Variants in JUP observed in about 807,000 individuals in gnomAD.
JUP encodes the protein catenin (cadherin-associated protein), gamma 80kDa.
In JUP, 28 loss-of-function variants were observed where a neutral mutation model predicts 71.1. The observed-to-expected ratio is 0.39, with a 90% CI of 0.29 to 0.54. The LOEUF is 0.54. Ranked by LOEUF, JUP falls within the 20% of genes least tolerant of loss-of-function variation. The pLI, the probability that JUP is intolerant of heterozygous loss-of-function variation, is 0.62. For missense variants in JUP, 869 were observed against 1,030.1 expected, an observed-to-expected ratio of 0.84 and a Z score of 2.14; for synonymous variants, 401 against 438.9, an observed-to-expected ratio of 0.91 and a Z score of 1.08.
intron 12 of JUP, among the ~76,000 whole-genome samples, chr17:41,756,632 C>T (rs1048935492): frequency 6.6e-6 from 1 of 151,420 alleles, no homozygotes; most frequent in Admixed American, 6.6e-5. Context: ...GGCGCAGTGG[C>T]TCACGCCTGT....
chr17:41,783,648 A>T (rs113481986), intron 1 of JUP, among the ~76,000 whole-genome samples: 20 of 151,300 alleles, frequency 1.3e-4, no homozygotes, highest in South Asian at 2.1e-4. Context: ...GGGCCAGGTG[A>T]GGTGGCTCAC....
chr17:41,777,671 G>A (rs1442782880), intron 1 of JUP, among the ~76,000 whole-genome samples: 1 of 152,246 alleles, frequency 6.6e-6, no homozygotes, highest in African/African-American at 2.4e-5. Context: ...TTCCAGTCTG[G>A]AGAGCAGCCC....
rs191047819 is a variant in JUP at position 41,758,219 on chromosome 17, C to T, written c.1773+180G>A. 42 of 630,938 alleles carry T rather than the reference C, an allele frequency of 6.7e-5. No homozygotes were observed. The East Asian group carries it at 1.0e-3, about 16-fold the overall frequency. The allele number at this position is 630,938 out of a possible 1,614,324, so 39.1% of individuals were successfully genotyped here. ...TGTGATCTCTTTCCTTGCTTTGAAG[C>T]TTAGAAAGCCATGCCCATGCAGGGG... On this transcript the variant is annotated intron_variant, in intron 10 of 13. Coordinates refer to ENST00000393931, the MANE Select transcript of JUP (RefSeq NM_002230.4).
intron 8 of JUP, among the ~76,000 whole-genome samples, chr17:41,760,709 T>C (rs1914670082): frequency 6.6e-6 from 1 of 152,176 alleles, no homozygotes; most frequent in Non-Finnish European, 1.5e-5. Context: ...TACAGGCACA[T>C]GCCACCATGG....
chr17:41,786,380 T>C lies in JUP; in HGVS notation c.-9+208A>G, dbSNP rs115806588. On this transcript the variant is annotated intron_variant, in intron 1 of 13. Coordinates refer to ENST00000393931, the MANE Select transcript of JUP (RefSeq NM_002230.4). The stretch of plus-strand genomic sequence containing the variant: ...TCCCTCCCCGCCTTGCTCAGATCTC[T>C]GGTTCGCGGAGCTCCGAGGCGCGCT... The C allele has an allele frequency of 0.039, 5,864 of 151,972 alleles. 148 individuals are homozygous for C. Among genetic ancestry groups the C allele is most frequent in the East Asian group, 0.11 (578 of 5,108 alleles). The allele number at this position is 151,972 out of a possible 1,614,324, so 9.4% of individuals were successfully genotyped here. A position where few individuals can be genotyped will look rare whatever the true frequency, so the allele number is the denominator to read the frequency against.
At chr17:41,766,314 A>G (rs1915702397) in intron 5 of JUP, among the ~76,000 whole-genome samples, 1 of 139,208 alleles carries the variant, frequency 7.2e-6, no homozygotes. Context: ...AGGGAAAGGA[A>G]AAGGAAAAGG....
intron 8 of JUP, among the ~76,000 whole-genome samples, chr17:41,760,499 C>T (rs1437265134): frequency 6.6e-6 from 1 of 151,744 alleles, no homozygotes; most frequent in East Asian, 2.0e-4. Flanking sequence ...ACCTCGTGAT[C>T]CACACGCCTC....
At chr17:41,769,388 G>A in intron 3 of JUP, 30 bp downstream of exon 3, 2 of 1,598,080 alleles carry the variant, frequency 1.3e-6, no homozygotes, top group Non-Finnish European at 1.7e-6. Flanking sequence ...TCCCTGCCCA[G>A]CCCCCACCCT....
intron 1 of JUP, among the ~76,000 whole-genome samples, chr17:41,773,693 G>C (rs1466667980): frequency 6.6e-6 from 1 of 151,948 alleles, no homozygotes; most frequent in African/African-American, 2.4e-5. Flanking sequence ...GGTGGGGGGC[G>C]GGGGGCGGGG....
intron 12 of JUP, among the ~76,000 whole-genome samples, chr17:41,756,623 G>A (rs1913813038): frequency 6.7e-6 from 1 of 149,944 alleles, no homozygotes; most frequent in Non-Finnish European, 1.5e-5. Context: ...AATAGGCTGG[G>A]CGCAGTGGCT....
At chr17:41,773,458 A>C (rs1356586222) in intron 1 of JUP, among the ~76,000 whole-genome samples, 4 of 152,222 alleles carry the variant, frequency 2.6e-5, no homozygotes, top group African/African-American at 9.6e-5. Context: ...CTAGTGACTC[A>C]GAGTTTCAGG....
At chr17:41,773,754 C>T (rs992132496) in intron 1 of JUP, among the ~76,000 whole-genome samples, 10 of 152,142 alleles carry the variant, frequency 6.6e-5, no homozygotes, top group Admixed American at 2.0e-4. Context: ...CTGAGCTCCT[C>T]GTGCTGTGCC....
At position 41,781,356 on chromosome 17, in the gene JUP, C is replaced by CA. The variant is rs551922002; in HGVS notation, c.-9+5231dup. On this transcript the variant is annotated intron_variant, in intron 1 of 13. Transcript: ENST00000393931. ...GGTGACAGAGTGAGAGACTCCATCT[C>CA]AAAAAAAAAAAAAGAAAGAAAGAAA... is the stretch of plus-strand genomic sequence containing the variant. 2.9e-3 allele frequency among the ~76,000 whole-genome samples: 354 copies of CA among 120,260 alleles called. 3 individuals are homozygous for CA. The highest frequency in any genetic ancestry group is 0.022 in the Middle Eastern group (5 of 226). The allele number at this position is 120,260 out of a possible 152,430, so 78.9% of individuals were successfully genotyped here.
intron 12 of JUP, 84 bp downstream of exon 12, chr17:41,757,331 T>C: frequency 7.1e-7 from 1 of 1,406,292 alleles, no homozygotes; most frequent in Non-Finnish European, 1.0e-6. Flanking sequence ...AAGTTGACAG[T>C]AGTAGGAGAC....
intron 1 of JUP, among the ~76,000 whole-genome samples, chr17:41,783,523 A>G (rs1248130499): frequency 3.3e-5 from 5 of 152,096 alleles, no homozygotes; most frequent in Non-Finnish European, 7.4e-5. Context: ...TCCTGGGCTC[A>G]ATCAAGCAGT....
At chr17:41,761,529 G>A (rs1914804406) in intron 8 of JUP, among the ~76,000 whole-genome samples, 1 of 152,046 alleles carries the variant, frequency 6.6e-6, no homozygotes, top group Non-Finnish European at 1.5e-5. Context: ...ATACAGAATT[G>A]GGCCAGGTGC....
chr17:41,783,218 T>C (rs554042502), intron 1 of JUP, among the ~76,000 whole-genome samples: 10 of 152,150 alleles, frequency 6.6e-5, no homozygotes, highest in East Asian at 3.9e-4. Flanking sequence ...CTGTACAACA[T>C]TGGGGAAATT....
In JUP at chr17:41,768,950, A is replaced by C. The variant is rs782681771; in HGVS notation, c.707+19T>G. 7.6e-6 allele frequency: 12 copies of C among 1,572,388 alleles called. No homozygotes were observed. The East Asian group carries it at 2.5e-4, about 33-fold the overall frequency. ...GTGAGAGGGGGTCCTGGGCTCATGC[A>C]GTGAGCAGGGTTGGGTACCTGAGCA... On this transcript the variant is annotated intron_variant, in intron 4 of 13. Transcript: ENST00000393931.
chr17:41,772,184 C>T (rs1555607309), intron 1 of JUP: 1 of 446,272 alleles, frequency 2.2e-6, no homozygotes, highest in African/African-American at 2.0e-5. Flanking sequence ...GAAGCCCCTG[C>T]TCACGCACCT....
Sources: gnomAD v4.1 joint callset for allele counts (sites outside exome capture counted in the v4.1 genomes callset) on GRCh38, gnomAD v4.1.1 for gene constraint, MANE v1.5 for transcripts, NCBI Gene and HGNC (gene_info 2026-07-23, HGNC 2026-07-21) for gene names.